MAF: variants seen among roughly 807,000 people sequenced by gnomAD.
MAF encodes transcription factor Maf.
Under a neutral mutation model 22.0 loss-of-function variants are expected in MAF, and 10 were observed. That is an observed-to-expected ratio of 0.45 (90% CI 0.28 to 0.77). The LOEUF is 0.77. MAF is among the 30% of genes least tolerant of loss of function. The pLI is 0.12. For synonymous variants in MAF, 337 were observed against 255.8 expected (o/e 1.32, Z -3.03); for missense variants, 544 against 548.4 (o/e 0.99, Z 0.08).
chr16:79,357,759 T>C, the MAF span, among the ~76,000 whole-genome samples: 2 of 152,016 alleles, frequency 1.3e-5, no homozygotes, highest in African/African-American at 4.8e-5. Flanking sequence ...GAGGGAATGA[T>C]GGGCCAGTCT....
At chr16:79,289,572 G>A in the MAF span, among the ~76,000 whole-genome samples, 1 of 152,060 alleles carries the variant, frequency 6.6e-6, no homozygotes, top group East Asian at 1.9e-4. Context: ...CTTATACTAC[G>A]GGCGGATGAG....
At chr16:79,588,563 G>A (rs1041041535) in intron 1 of MAF, among the ~76,000 whole-genome samples, 3 of 151,596 alleles carry the variant, frequency 2.0e-5, no homozygotes, top group East Asian at 1.9e-4. Flanking sequence ...CCAGGTTCAA[G>A]CGATTCTCCT....
In MAF at chr16:79,599,325, T is replaced by C; in HGVS notation, c.578A>G (p.His193Arg). ...HHHHHAAGHH[H>R]HPTAGAPGAA... ...GCCGGGCGCGCCGGCCGTCGGGTGG[T>C]GGTGGTGGCCGGCGGCGTGGTGGTG... The change falls in exon 1 of 2, where the codon CAC (histidine) becomes CGC (arginine). Residue 193 changes from histidine to arginine, a missense_variant. By Grantham distance (29) the His-to-Arg change is conservative. Transcript: ENST00000326043. The C allele has an allele frequency of 7.1e-6, 7 of 982,638 alleles. No homozygotes were observed. The highest frequency in any genetic ancestry group is 8.4e-6 in the Non-Finnish European group (7 of 830,634). The allele number at this position is 982,638 out of a possible 1,614,324, so 60.9% of individuals were successfully genotyped here.
the MAF span, among the ~76,000 whole-genome samples, chr16:79,406,323 T>C: frequency 6.6e-6 from 1 of 152,226 alleles, no homozygotes; most frequent in Non-Finnish European, 1.5e-5. Context: ...ACATGGTTTC[T>C]TAGTCTCTTT....
In MAF at chr16:79,594,093, T is replaced by C. The variant is rs1913351098; in HGVS notation, c.*367A>G. Reference sequence around the variant, plus strand: ...GAAAAAGTACTATTTAGAATGTGCATGCCTATATATGATTTTAAAATGCTA... The same window carrying C: ...GAAAAAGTACTATTTAGAATGTGCACGCCTATATATGATTTTAAAATGCTA... On this transcript the variant is annotated 3_prime_UTR_variant, in exon 2 of 2. Transcript: ENST00000326043. The C allele has an allele frequency of 7.0e-6, 2 of 284,036 alleles. No individual in the cohort carries two copies. Among genetic ancestry groups the C allele is most frequent in the Admixed American group, 4.7e-5 (1 of 21,394 alleles). The allele number at this position is 284,036 out of a possible 1,614,324, so 17.6% of individuals were successfully genotyped here.
chr16:79,589,902 G>A (rs1046677777), downstream of MAF, among the ~76,000 whole-genome samples: 1 of 152,178 alleles, frequency 6.6e-6, no homozygotes, highest in African/African-American at 2.4e-5. Flanking sequence ...GGGGCGCTGC[G>A]TTGCTGGCGT....
At chr16:79,458,094 AT>A in the MAF span, among the ~76,000 whole-genome samples, 1 of 111,140 alleles carries the variant, frequency 9.0e-6, no homozygotes, top group East Asian at 2.5e-4. Context: ...TTCAACTAAG[AT>A]TTTGGTATGT....
the MAF span, among the ~76,000 whole-genome samples, chr16:79,571,377 G>A: frequency 0.74 from 112,458 of 151,664 alleles, 42,036 homozygotes; most frequent in Non-Finnish European, 0.77. Context: ...AAATAAAACC[G>A]GTATGAAAAC....
the MAF span, among the ~76,000 whole-genome samples, chr16:79,271,237 G>A: frequency 6.6e-6 from 1 of 152,084 alleles, no homozygotes; most frequent in Admixed American, 6.5e-5. Flanking sequence ...TTTCAAGTGA[G>A]AACCATGTTA....
the MAF span, among the ~76,000 whole-genome samples, chr16:79,491,115 C>T: frequency 1.3e-5 from 2 of 152,130 alleles, no homozygotes; most frequent in South Asian, 2.1e-4. Context: ...GTAAGCAGTT[C>T]GAGATAGGAT....
the MAF span, among the ~76,000 whole-genome samples, chr16:79,402,987 G>C: frequency 6.6e-6 from 1 of 151,748 alleles, no homozygotes; most frequent in East Asian, 2.0e-4. Context: ...GTTCTGGCAT[G>C]GAGAGGGGCT....
the MAF span, among the ~76,000 whole-genome samples, chr16:79,532,210 T>C: frequency 2.6e-5 from 4 of 152,194 alleles, no homozygotes; most frequent in African/African-American, 9.6e-5. Context: ...ATTTCTTGGA[T>C]GGAGTGTGGA....
the MAF span, among the ~76,000 whole-genome samples, chr16:79,533,214 TAA>T: frequency 6.6e-6 from 1 of 152,196 alleles, no homozygotes; most frequent in East Asian, 1.9e-4. Context: ...CTTATCAACA[TAA>T]GAGTTGCTCA....
the MAF span, among the ~76,000 whole-genome samples, chr16:79,317,158 T>C: frequency 7.2e-6 from 1 of 137,992 alleles, no homozygotes; most frequent in African/African-American, 2.7e-5. Flanking sequence ...CCTCCCTTCC[T>C]CCCTTCTTTC....
the MAF span, among the ~76,000 whole-genome samples, chr16:79,222,174 G>A: frequency 6.6e-6 from 1 of 152,106 alleles, no homozygotes; most frequent in South Asian, 2.1e-4. Context: ...GAGAAAGGGG[G>A]CCAATTTTCA....
the MAF span, among the ~76,000 whole-genome samples, chr16:79,270,573 C>T: frequency 7.7e-3 from 1,166 of 152,292 alleles, 18 homozygotes; most frequent in African/African-American, 0.026. Flanking sequence ...TTAGCCCCAT[C>T]ATTGCTTAGG....
chr16:79,586,991 G>C (rs1912883646), intron 1 of MAF, among the ~76,000 whole-genome samples: 1 of 152,188 alleles, frequency 6.6e-6, no homozygotes, highest in African/African-American at 2.4e-5. Flanking sequence ...ACAAATATGA[G>C]CTATGCTCAT....
At chr16:79,341,876 T>A in the MAF span, among the ~76,000 whole-genome samples, 1 of 152,162 alleles carries the variant, frequency 6.6e-6, no homozygotes, top group Non-Finnish European at 1.5e-5. Flanking sequence ...GCTGGTGGAT[T>A]GGATGTGGCA....
chr16:79,414,795 C>A, the MAF span, among the ~76,000 whole-genome samples: 1 of 152,190 alleles, frequency 6.6e-6, no homozygotes, highest in Non-Finnish European at 1.5e-5. Context: ...CAAACAACTT[C>A]CAAATATCAA....
Sources: allele counts gnomAD v4.1 joint callset (sites outside exome capture counted in the v4.1 genomes callset), GRCh38; gene constraint gnomAD v4.1.1; transcripts MANE v1.5; gene names NCBI Gene and HGNC (gene_info 2026-07-23, HGNC 2026-07-21).